The following DNAH11 variants were observed in gnomAD, a reference collection of about 807,000 sequenced individuals.
DNAH11 encodes dynein axonemal heavy chain 11, also known as axonemal beta dynein heavy chain 11.
A neutral mutation model predicts 526.0 loss-of-function variants in DNAH11; 442 were observed. That is an observed-to-expected ratio of 0.84 (90% CI 0.78 to 0.91). DNAH11 has a LOEUF of 0.91. Among genes scored for constraint, DNAH11 ranks in the 40% least tolerant of loss-of-function variants. DNAH11 has a pLI of 0.00. For synonymous variants in DNAH11, 2,461 were observed against 1,935.9 expected, an observed-to-expected ratio of 1.27 and a Z score of -7.12; for missense variants, 6,989 against 5,448.7, an observed-to-expected ratio of 1.28 and a Z score of -8.90.
At chr7:21,621,685 T>C (rs978692988) in intron 25 of DNAH11, among the ~76,000 whole-genome samples, 1 of 151,782 alleles carries the variant, frequency 6.6e-6, no homozygotes, top group South Asian at 2.1e-4. Flanking sequence ...AATCAATAAA[T>C]GTAATCCAGC....
chr7:21,887,965 TGC>T lies in DNAH11; in HGVS notation c.12507+3556_12507+3557del, dbSNP rs1186188359. ...GCCCTGGCTGGAGTGCTGAGCTGTT[TGC>T]AGCACAGGTCACCAAAACAATGACT... On this transcript the variant is annotated intron_variant, in intron 76 of 81. Transcript: ENST00000409508. Among the ~76,000 whole-genome samples, 11 of 152,190 alleles carry T rather than the reference TGC, an allele frequency of 7.2e-5. No homozygotes were observed. In the South Asian group the frequency reaches 1.5e-3, roughly 20 times the overall value.
chr7:21,578,499 G>C (rs1007149134), intron 8 of DNAH11, among the ~76,000 whole-genome samples: 1 of 152,216 alleles, frequency 6.6e-6, no homozygotes, highest in Non-Finnish European at 1.5e-5. Flanking sequence ...CTGATGTTGA[G>C]TGCCTGCAGC....
chr7:21,769,385 A>AG (rs145290488), intron 55 of DNAH11, among the ~76,000 whole-genome samples: 6,008 of 152,272 alleles, frequency 0.039, 398 homozygotes, highest in African/African-American at 0.14. Flanking sequence ...GCTTTTCTCT[A>AG]GGTGCTGACC....
At chr7:21,737,107 A>G (rs1220911115) in intron 46 of DNAH11, among the ~76,000 whole-genome samples, 1 of 152,240 alleles carries the variant, frequency 6.6e-6, no homozygotes, top group African/African-American at 2.4e-5. Context: ...ATACTTGTAA[A>G]GAGAATTATG....
rs1030943967 is a variant in DNAH11 at position 21,900,467 on chromosome 7, T to G, written c.13303+347T>G. On this transcript the variant is annotated intron_variant, in intron 81 of 81. Transcript: ENST00000409508. ...TATTGTTTAAAAACTGTCAGTAAATTTGCTCTAATGTTTTACTACAAGACT... is the reference window on the plus strand; with the variant it reads ...TATTGTTTAAAAACTGTCAGTAAATGTGCTCTAATGTTTTACTACAAGACT... Among the ~76,000 whole-genome samples, 4 of 102,710 alleles carry G rather than the reference T, an allele frequency of 3.9e-5. No individual in the cohort carries two copies. In the East Asian group the frequency reaches 6.8e-4, roughly 17 times the overall value. The allele number at this position is 102,710 out of a possible 152,430, so 67.4% of individuals were successfully genotyped here. A position where few individuals can be genotyped will look rare whatever the true frequency, so the allele number is the denominator to read the frequency against.
chr7:21,748,603 G>A lies in DNAH11; in HGVS notation c.8534G>A (p.Arg2845Gln), dbSNP rs372633683. Residue 2845 changes from arginine to glutamine, a missense_variant, in exon 52 of 82, where the codon CGA (arginine) becomes CAA (glutamine). Transcript: ENST00000409508. Reference sequence around the variant, plus strand: ...AGGTGTCGCATCAGCCGGATCTTACGAACCCCTCAGGGCTGTGCTCTCTTG... The same window carrying A: ...AGGTGTCGCATCAGCCGGATCTTACAAACCCCTCAGGGCTGTGCTCTCTTG... ...QHVCRISRILRTPQGCALLVG... is the reference protein window; with the variant it reads ...QHVCRISRILQTPQGCALLVG... The A allele has an allele frequency of 3.9e-6, 6 of 1,552,948 alleles. No individual in the cohort carries two copies. The highest frequency in any genetic ancestry group is 2.8e-5 in the African/African-American group (2 of 72,696).
At chr7:21,648,982 A>T (rs1430636015) in intron 28 of DNAH11, among the ~76,000 whole-genome samples, 1 of 152,192 alleles carries the variant, frequency 6.6e-6, no homozygotes, top group Non-Finnish European at 1.5e-5. Context: ...TTTACTTAAA[A>T]TACTCTGCCT....
intron 65 of DNAH11, among the ~76,000 whole-genome samples, chr7:21,820,087 C>T (rs1281304103): frequency 6.6e-6 from 1 of 152,130 alleles, no homozygotes. Context: ...ATCAGCTGTT[C>T]CTCCTTCCCT....
intron 30 of DNAH11, among the ~76,000 whole-genome samples, chr7:21,659,359 T>C (rs893892605): frequency 1.3e-5 from 2 of 151,294 alleles, no homozygotes; most frequent in Admixed American, 6.6e-5. Flanking sequence ...ATGTGCATGA[T>C]TTGCATTATT....
chr7:21,725,359 G>C (rs545932317), intron 44 of DNAH11, among the ~76,000 whole-genome samples: 2 of 152,244 alleles, frequency 1.3e-5, no homozygotes, highest in South Asian at 4.1e-4. Context: ...CTAAGCAAGA[G>C]CATTTATGAA....
Position 21,585,413 on chromosome 7 carries a change from C to T in DNAH11, c.1711-2651C>T, listed in dbSNP as rs553137027. 3.9e-5 allele frequency among the ~76,000 whole-genome samples: 6 copies of T among 152,190 alleles called. 1 individual carries two copies. In the South Asian group the frequency reaches 1.0e-3, roughly 26 times the overall value. On this transcript the variant is annotated intron_variant, in intron 9 of 81. Coordinates refer to ENST00000409508, the MANE Select transcript of DNAH11 (RefSeq NM_001277115.2). ...TAGAATGATGAGCTCAGACCATTTA[C>T]TGTTGGTCCCTGGGAAAAAAATATT... is the stretch of plus-strand genomic sequence containing the variant.
At chr7:21,575,717 A>T (rs1784065419) in intron 8 of DNAH11, among the ~76,000 whole-genome samples, 1 of 152,242 alleles carries the variant, frequency 6.6e-6, no homozygotes, top group Admixed American at 6.5e-5. Context: ...AGGCATCTCT[A>T]TTAAAAATTT....
intron 55 of DNAH11, among the ~76,000 whole-genome samples, chr7:21,766,117 A>G (rs968389491): frequency 1.3e-5 from 2 of 152,160 alleles, no homozygotes; most frequent in Non-Finnish European, 2.9e-5. Context: ...TGTTTTACAG[A>G]TTTATGTTTT....
chr7:21,734,031 A>G (rs1785500885), intron 45 of DNAH11, among the ~76,000 whole-genome samples: 1 of 152,184 alleles, frequency 6.6e-6, no homozygotes. Flanking sequence ...TAAAACAAGC[A>G]AAGCAGGATT....
At chr7:21,592,767 A>T (rs1784735121) in intron 14 of DNAH11, among the ~76,000 whole-genome samples, 1 of 152,210 alleles carries the variant, frequency 6.6e-6, no homozygotes, top group South Asian at 2.1e-4. Context: ...GCTTTGAGGA[A>T]TCAGAGGAGA....
chr7:21,794,909 G>A (rs896516109), intron 61 of DNAH11, among the ~76,000 whole-genome samples: 4 of 152,122 alleles, frequency 2.6e-5, no homozygotes, highest in South Asian at 2.1e-4. Flanking sequence ...CATTTTCTAC[G>A]TGCAGTACCT....
At chr7:21,845,577 A>G (rs1782387071) in intron 66 of DNAH11, among the ~76,000 whole-genome samples, 1 of 152,034 alleles carries the variant, frequency 6.6e-6, no homozygotes. Context: ...GTTTCATTCC[A>G]TTGATCTGTT....
intron 11 of DNAH11, 106 bp downstream of exon 11, chr7:21,588,742 G>GT: frequency 2.3e-6 from 3 of 1,320,224 alleles, no homozygotes; most frequent in Admixed American, 3.9e-5. Context: ...CCATTGCCCT[G>GT]TTCACTTCTC....
intron 46 of DNAH11, 144 bp downstream of exon 46, chr7:21,735,988 G>C: frequency 1.3e-6 from 1 of 790,778 alleles, no homozygotes; most frequent in East Asian, 2.7e-5. Context: ...TATCATCCTT[G>C]TTAAATATAC....
Sources: gnomAD v4.1 joint callset for allele counts (sites outside exome capture counted in the v4.1 genomes callset) on GRCh38, gnomAD v4.1.1 for gene constraint, MANE v1.5 for transcripts, NCBI Gene and HGNC (gene_info 2026-07-23, HGNC 2026-07-21) for gene names.